SEMA5A: variants seen among roughly 807,000 people sequenced by gnomAD.
The protein encoded by SEMA5A is semaphorin 5A, also known as semaphorin-5A.
SEMA5A carries 55 observed loss-of-function variants against 135.5 expected under a neutral mutation model. The observed-to-expected ratio is 0.41, with a 90% confidence interval of 0.33 to 0.51. The LOEUF is 0.51. Among genes scored for constraint, SEMA5A ranks in the 20% least tolerant of loss-of-function variants. The pLI is 0.37. For synonymous variants in SEMA5A, 580 were observed against 546.5 expected, an observed-to-expected ratio of 1.06 and a Z score of -0.85; for missense variants, 1,290 against 1,419.9, an observed-to-expected ratio of 0.91 and a Z score of 1.47.
At chr5:9,177,318 C>T (rs542937290) in intron 11 of SEMA5A, among the ~76,000 whole-genome samples, 1 of 152,284 alleles carries the variant, frequency 6.6e-6, no homozygotes, top group East Asian at 1.9e-4. Flanking sequence ...AGGTAGAGGA[C>T]AAGATGAGTG....
intron 18 of SEMA5A, 50 bp downstream of exon 18, chr5:9,062,837 C>T: frequency 6.3e-7 from 1 of 1,588,262 alleles, no homozygotes; most frequent in East Asian, 2.2e-5. Flanking sequence ...AGAAGACTCT[C>T]CAAGGCCCTT....
intron 1 of SEMA5A, among the ~76,000 whole-genome samples, chr5:9,460,054 G>C (rs574440486): frequency 1.3e-5 from 2 of 152,280 alleles, no homozygotes; most frequent in South Asian, 2.1e-4. Flanking sequence ...GGAGAGTTCA[G>C]CTTTTAAATT....
At chr5:9,142,722 T>G (rs1382637554) in intron 12 of SEMA5A, among the ~76,000 whole-genome samples, 1 of 152,166 alleles carries the variant, frequency 6.6e-6, no homozygotes, top group Non-Finnish European at 1.5e-5. Flanking sequence ...ATCCCAACAC[T>G]TTGGGAGCTA....
chr5:9,497,503 T>C (rs1282256563), intron 1 of SEMA5A, among the ~76,000 whole-genome samples: 8 of 152,128 alleles, frequency 5.3e-5, no homozygotes, highest in Admixed American at 5.2e-4. Flanking sequence ...CACCTCACAA[T>C]ATGTGAGACT....
Position 9,324,074 on chromosome 5 carries a change from A to T in SEMA5A, c.225-5657T>A, listed in dbSNP as rs533118687. On this transcript the variant is annotated intron_variant, in intron 4 of 22. Coordinates refer to ENST00000382496, the MANE Select transcript of SEMA5A (RefSeq NM_003966.3). ...GCTATTTTAAACAATATTTTATTTT[A>T]TTTTTTTTTTTTGAGATGGAGTCTC... Among the ~76,000 whole-genome samples, 779 of 147,844 alleles carry T rather than the reference A, an allele frequency of 5.3e-3. 13 individuals carry two copies. Among genetic ancestry groups the T allele is most frequent in the Admixed American group, 0.041 (608 of 14,886 alleles).
intron 13 of SEMA5A, among the ~76,000 whole-genome samples, chr5:9,131,779 G>A (rs886232175): frequency 5.9e-5 from 9 of 151,876 alleles, no homozygotes; most frequent in Non-Finnish European, 1.0e-4. Flanking sequence ...CTCCAACACT[G>A]GGGATCACAT....
intron 2 of SEMA5A, among the ~76,000 whole-genome samples, chr5:9,419,802 G>A (rs1757403296): frequency 6.6e-6 from 1 of 152,144 alleles, no homozygotes; most frequent in African/African-American, 2.4e-5. Flanking sequence ...ATATGGCAAA[G>A]CTCAAATTAA....
chr5:9,327,800 AGAT>A (rs772736739), intron 4 of SEMA5A, among the ~76,000 whole-genome samples: 1 of 152,174 alleles, frequency 6.6e-6, no homozygotes, highest in South Asian at 2.1e-4. Context: ...TGAGGATTAC[AGAT>A]GATGATTTAT....
At chr5:9,373,761 A>G (rs1412903928) in intron 3 of SEMA5A, among the ~76,000 whole-genome samples, 1 of 152,216 alleles carries the variant, frequency 6.6e-6, no homozygotes, top group African/African-American at 2.4e-5. Context: ...AGTCATATGA[A>G]GGACCCACGC....
chr5:9,471,384 G>T (rs1191396582), intron 1 of SEMA5A, among the ~76,000 whole-genome samples: 1 of 152,100 alleles, frequency 6.6e-6, no homozygotes. Context: ...TTGCCTTCCA[G>T]AGGTTTCTGT....
chr5:9,094,052 T>C (rs1739187259), intron 16 of SEMA5A, among the ~76,000 whole-genome samples: 1 of 152,242 alleles, frequency 6.6e-6, no homozygotes. Flanking sequence ...CTGATGGCAT[T>C]TATTACTTCG....
At chr5:9,483,935 G>C (rs910583037) in intron 1 of SEMA5A, among the ~76,000 whole-genome samples, 1 of 152,148 alleles carries the variant, frequency 6.6e-6, no homozygotes, top group Admixed American at 6.5e-5. Context: ...CACAGGCTGT[G>C]TGGCCAACAT....
intron 16 of SEMA5A, among the ~76,000 whole-genome samples, chr5:9,102,470 G>T (rs1450949919): frequency 6.6e-6 from 1 of 152,112 alleles, no homozygotes; most frequent in Admixed American, 6.6e-5. Flanking sequence ...AGATAAAATT[G>T]TCCCAGAAAT....
At chr5:9,242,691 C>A (rs1748266813) in intron 5 of SEMA5A, among the ~76,000 whole-genome samples, 1 of 152,128 alleles carries the variant, frequency 6.6e-6, no homozygotes, top group Admixed American at 6.6e-5. Context: ...ATGGGTGCAC[C>A]AGGATCTCAC....
chr5:9,180,995 C>T (rs746263553), intron 11 of SEMA5A, among the ~76,000 whole-genome samples: 3 of 152,166 alleles, frequency 2.0e-5, no homozygotes, highest in Non-Finnish European at 2.9e-5. Context: ...CTCCTCTGTA[C>T]TTAAAATGAG....
rs934059016 is a variant in SEMA5A at position 9,283,575 on chromosome 5, T to C, written c.270+34797A>G. ...CTTAATTCCATCTGTAAAATCCCCT[T>C]ACTCTTACCATATAAGGTAAATTAA... On this transcript the variant is annotated intron_variant, in intron 5 of 22. Coordinates refer to ENST00000382496, the MANE Select transcript of SEMA5A (RefSeq NM_003966.3). Among the ~76,000 whole-genome samples the C allele has an allele frequency of 2.0e-5, 3 of 152,184 alleles. No homozygotes were observed. The East Asian group carries it at 5.8e-4, about 29-fold the overall frequency.
chr5:9,108,460 A>G (rs1740048172), intron 15 of SEMA5A, among the ~76,000 whole-genome samples, 173 bp from the exon 16 acceptor site: 1 of 152,172 alleles, frequency 6.6e-6, no homozygotes, highest in Admixed American at 6.5e-5. Flanking sequence ...GGTGCTGGCC[A>G]TGCTGTGTGT....
intron 11 of SEMA5A, among the ~76,000 whole-genome samples, chr5:9,185,573 A>G (rs1401528921): frequency 6.6e-6 from 1 of 152,244 alleles, no homozygotes; most frequent in Non-Finnish European, 1.5e-5. Context: ...ATAACACAAA[A>G]AGAGATCACA....
At chr5:9,292,983 C>G (rs562467521) in intron 5 of SEMA5A, among the ~76,000 whole-genome samples, 107 of 152,244 alleles carry the variant, frequency 7.0e-4, no homozygotes, top group African/African-American at 2.5e-3. Flanking sequence ...GTGCAGAAAC[C>G]CTGATGCGAA....
Sources: allele counts gnomAD v4.1 joint callset (sites outside exome capture counted in the v4.1 genomes callset), GRCh38; gene constraint gnomAD v4.1.1; transcripts MANE v1.5; gene names NCBI Gene and HGNC (gene_info 2026-07-23, HGNC 2026-07-21).